The following COQ8A variants were observed in gnomAD, a reference collection of about 807,000 sequenced individuals.
COQ8A encodes coenzyme Q8A.
COQ8A carries 51 observed loss-of-function variants against 65.0 expected under a neutral mutation model. The ratio of observed to expected loss-of-function variants is 0.78; its 90% CI spans 0.63 to 0.99. The LOEUF (loss-of-function observed/expected upper bound fraction) is 0.99, where lower values mean the gene tolerates loss of function less well. COQ8A is among the 50% of genes least tolerant of loss of function. The pLI, the probability that COQ8A is intolerant of heterozygous loss-of-function variation, is 0.00. For synonymous variants in COQ8A, 371 were observed against 353.2 expected, an observed-to-expected ratio of 1.05 and a Z score of -0.57; for missense variants, 940 against 875.0, an observed-to-expected ratio of 1.07 and a Z score of -0.94.
At chr1:226,983,237 A>C in intron 8 of COQ8A, 2 of 872,890 alleles carry the variant, frequency 2.3e-6, no homozygotes, top group Non-Finnish European at 3.4e-6. Flanking sequence ...CTTTGGGGGC[A>C]CAGAGGGGCC....
At chr1:226,962,038 G>T (rs954868221) in intron 2 of COQ8A, among the ~76,000 whole-genome samples, 5 of 152,164 alleles carry the variant, frequency 3.3e-5, no homozygotes, top group African/African-American at 1.2e-4. Context: ...CACACTAGGG[G>T]CTAGGTTTCA....
chr1:226,958,635 C>T (rs1657959453), intron 1 of COQ8A, among the ~76,000 whole-genome samples: 1 of 152,186 alleles, frequency 6.6e-6, no homozygotes, highest in African/African-American at 2.4e-5. Context: ...CTCCGGTTGA[C>T]TTTTTATTTT....
At chr1:226,960,505 TG>T (rs1287945528) in intron 1 of COQ8A, among the ~76,000 whole-genome samples, 1 of 69,280 alleles carries the variant, frequency 1.4e-5, no homozygotes, top group Admixed American at 1.5e-4. Context: ...TGGTGGTGCT[TG>T]GTGGTGGTGG....
intron 11 of COQ8A, 88 bp from the exon 12 acceptor site, chr1:226,984,460 C>A: frequency 7.3e-7 from 1 of 1,365,184 alleles, no homozygotes; most frequent in Non-Finnish European, 1.0e-6. Flanking sequence ...GTGGGTAAAA[C>A]AGGAGGCAGG....
At chr1:226,980,780 A>G (rs1659636023) in intron 5 of COQ8A, among the ~76,000 whole-genome samples, 1 of 152,194 alleles carries the variant, frequency 6.6e-6, no homozygotes, top group Non-Finnish European at 1.5e-5. Context: ...AGCTGCCTGC[A>G]TGTGTGGGCA....
At chr1:226,984,490 T>A in intron 11 of COQ8A, 58 bp from the exon 12 acceptor site, 1 of 1,474,278 alleles carries the variant, frequency 6.8e-7, no homozygotes, top group Non-Finnish European at 9.5e-7. Context: ...GGCCCCAGTC[T>A]CCCAGGGCAC....
chr1:226,952,402 AT>A (rs142661418), intron 1 of COQ8A, among the ~76,000 whole-genome samples: 9,111 of 152,168 alleles, frequency 0.06, 369 homozygotes, highest in African/African-American at 0.11. Context: ...GATTATTTTT[AT>A]TTTATTTATC....
chr1:226,972,982 G>C lies in COQ8A; in HGVS notation c.656-4467G>C, dbSNP rs1186752864. 6.6e-6 allele frequency among the ~76,000 whole-genome samples: 1 copy of C among 152,186 alleles called. No homozygotes were observed. The highest frequency in any genetic ancestry group is 1.5e-5 in the Non-Finnish European group (1 of 68,030). On this transcript the variant is annotated intron_variant, in intron 4 of 14. Transcript: ENST00000366777. The surrounding 1 kb of genome is among the most constrained non-coding windows in gnomAD (Gnocchi z 4.3). Reference sequence around the variant, plus strand: ...TCGAGACCTGGCTGTGGCTTGCTGTGGCCTTGAGAGCCATCCCACAGCAGC... The same window carrying C: ...TCGAGACCTGGCTGTGGCTTGCTGTCGCCTTGAGAGCCATCCCACAGCAGC...
chr1:226,946,815 G>C lies in COQ8A; in HGVS notation c.-10+6416G>C, dbSNP rs548658641. On this transcript the variant is annotated intron_variant, in intron 1 of 14. Transcript: ENST00000366777. This position sits in a 1 kb window ranked among gnomAD's most constrained non-coding sequence, Gnocchi z 5.3. ...GGCATTTGGAGGTGATGCTAATAAA[G>C]GTTGGTGCTGGTGTTGAGTGTGGCA... Among the ~76,000 whole-genome samples, 17 of 152,364 alleles carry C rather than the reference G, an allele frequency of 1.1e-4. No individual in the cohort carries two copies. Among genetic ancestry groups the C allele is most frequent in the African/African-American group, 4.1e-4 (17 of 41,586 alleles).
In COQ8A at chr1:226,983,840, T is replaced by C. The variant is rs2148131366; in HGVS notation, c.1242T>C (p.Cys414=). Residue 414 remains cysteine, a synonymous_variant, in exon 10 of 15, where the codon TGT becomes TGC. Coordinates refer to ENST00000366777, the MANE Select transcript of COQ8A (RefSeq NM_020247.5). Reference sequence around the variant, plus strand: ...GTGACTACCAGCGAGAGGCCGCCTGTGCCCGCAAGTTCAGGTGTGGCCCCC... The same window carrying C: ...GTGACTACCAGCGAGAGGCCGCCTGCGCCCGCAAGTTCAGGTGTGGCCCCC... ...LECDYQREAA[C]ARKFRDLLKG... is the part of the protein sequence containing the mutation. The C allele has an allele frequency of 6.2e-7, 1 of 1,610,760 alleles. No homozygotes were observed. Among genetic ancestry groups the C allele is most frequent in the Non-Finnish European group, 8.5e-7 (1 of 1,179,846 alleles).
At position 226,986,935 on chromosome 1, in the gene COQ8A, A is replaced by G; in HGVS notation, c.*198A>G. The G allele has an allele frequency of 1.5e-6, 1 of 659,406 alleles. No homozygotes were observed. The highest frequency in any genetic ancestry group is 2.6e-6 in the Non-Finnish European group (1 of 387,920). 40.8% of individuals were successfully genotyped at this position (659,406 alleles called of 1,614,324 possible). On this transcript the variant is annotated 3_prime_UTR_variant, in exon 15 of 15. Transcript: ENST00000366777. Reference sequence around the variant, plus strand: ...TAGGGTGAGAAGTGCAAGAATGAAGATGAAGCCCCACTGCTCGGTCAGTCT... The same window carrying G: ...TAGGGTGAGAAGTGCAAGAATGAAGGTGAAGCCCCACTGCTCGGTCAGTCT...
At chr1:226,968,696 C>T (rs1213483321) in intron 4 of COQ8A, among the ~76,000 whole-genome samples, 10 of 152,038 alleles carry the variant, frequency 6.6e-5, no homozygotes, top group Admixed American at 3.9e-4. Flanking sequence ...GGGACCCAGA[C>T]GGGTTTTCAG....
chr1:226,963,484 T>C (rs1351433800), intron 2 of COQ8A, among the ~76,000 whole-genome samples: 1 of 152,154 alleles, frequency 6.6e-6, no homozygotes, highest in African/African-American at 2.4e-5. Flanking sequence ...CAGGTGTTAG[T>C]AGCACAGGGC....
At chr1:226,964,901 G>T in intron 2 of COQ8A, 99 bp from the exon 3 acceptor site, 1 of 1,381,706 alleles carries the variant, frequency 7.2e-7, no homozygotes, top group South Asian at 1.2e-5. Context: ...GGGAGGGGGC[G>T]GGATGCTGGT....
At chr1:226,967,117 C>T (rs1658618240) in intron 4 of COQ8A, among the ~76,000 whole-genome samples, 1 of 152,174 alleles carries the variant, frequency 6.6e-6, no homozygotes, top group African/African-American at 2.4e-5. Flanking sequence ...ATCACACCTC[C>T]CTGAGTTCTG....
In COQ8A at chr1:226,986,662, G is replaced by T; in HGVS notation, c.1869G>T (p.Leu623=). 6.2e-7 allele frequency: 1 copy of T among 1,614,098 alleles called. No homozygotes were observed. Among genetic ancestry groups the T allele is most frequent in the Non-Finnish European group, 8.5e-7 (1 of 1,180,032 alleles). Reference sequence around the variant, plus strand: ...GCTCCTTCCTCATCTGCTCCAAGCTGAAGGCCCGCTTCCCCTGCAAGGCCA... The same window carrying T: ...GCTCCTTCCTCATCTGCTCCAAGCTTAAGGCCCGCTTCCCCTGCAAGGCCA... ...MGGSFLICSK[L]KARFPCKAMF... The change falls in exon 15 of 15, where the codon CTG becomes CTT. Residue 623 remains leucine, a synonymous_variant. Transcript: ENST00000366777.
intron 2 of COQ8A, among the ~76,000 whole-genome samples, chr1:226,962,140 G>A (rs1054389329): frequency 2.0e-5 from 3 of 152,198 alleles, no homozygotes; most frequent in African/African-American, 7.2e-5. Flanking sequence ...TTCCCACTGA[G>A]CCTGCTGAGC....
intron 4 of COQ8A, among the ~76,000 whole-genome samples, chr1:226,969,694 C>G (rs1034705049): frequency 6.0e-5 from 9 of 151,036 alleles, no homozygotes; most frequent in Non-Finnish European, 1.3e-4. Context: ...TTTTTTTCCC[C>G]TGTACTTTCA....
rs919692064 is a variant in COQ8A, at chr1:226,949,866, C to G, written c.-10+9467C>G. Among the ~76,000 whole-genome samples, 4 of 152,152 alleles carry G rather than the reference C, an allele frequency of 2.6e-5. No homozygotes were observed. Among genetic ancestry groups the G allele is most frequent in the African/African-American group, 9.7e-5 (4 of 41,432 alleles). Reference sequence around the variant, plus strand: ...TCAAGAACAGATGAGGAAACTGAGGCACAAAGATAAGCTCACATGACTTGA... The same window carrying G: ...TCAAGAACAGATGAGGAAACTGAGGGACAAAGATAAGCTCACATGACTTGA... On this transcript the variant is annotated intron_variant, in intron 1 of 14. Transcript: ENST00000366777. This position sits in a 1 kb window ranked among gnomAD's most constrained non-coding sequence, Gnocchi z 4.0.
Sources: allele counts gnomAD v4.1 joint callset (sites outside exome capture counted in the v4.1 genomes callset), GRCh38; gene constraint gnomAD v4.1.1; non-coding constraint Gnocchi (gnomAD v3.1); transcripts MANE v1.5; gene names NCBI Gene and HGNC (gene_info 2026-07-23, HGNC 2026-07-21).